The following PTPRJ variants were observed in gnomAD, a reference collection of about 807,000 sequenced individuals.
PTPRJ encodes the protein receptor-type tyrosine-protein phosphatase eta.
Under a neutral mutation model 141.3 loss-of-function variants are expected in PTPRJ, and 129 were observed. The observed-to-expected ratio is 0.91, with a 90% CI of 0.79 to 1.06. The LOEUF (loss-of-function observed/expected upper bound fraction) is 1.06. Among genes scored for constraint, PTPRJ ranks in the 50% least tolerant of loss-of-function variants. The pLI, the probability that PTPRJ is intolerant of heterozygous loss-of-function variation, is 0.00. For missense variants in PTPRJ, 1,601 were observed against 1,679.7 expected (o/e 0.95, Z 0.82); for synonymous variants, 610 against 640.5 (o/e 0.95, Z 0.72).
intron 1 of PTPRJ, among the ~76,000 whole-genome samples, chr11:48,022,503 G>A (rs376304566): frequency 3.9e-5 from 6 of 151,978 alleles, no homozygotes; most frequent in East Asian, 1.9e-4. Flanking sequence ...AAGATGCAGC[G>A]TGGGGCCATG....
At chr11:48,064,915 C>A (rs1855043664) in intron 1 of PTPRJ, among the ~76,000 whole-genome samples, 1 of 151,738 alleles carries the variant, frequency 6.6e-6, no homozygotes, top group Non-Finnish European at 1.5e-5. Flanking sequence ...GCCACTGCGC[C>A]CGGCTCTGAG....
intron 21 of PTPRJ, among the ~76,000 whole-genome samples, chr11:48,157,071 C>T (rs1440737541): frequency 2.0e-5 from 3 of 152,074 alleles, no homozygotes; most frequent in Non-Finnish European, 2.9e-5. Context: ...CTTTTGCAAC[C>T]TCCGACTCCC....
intron 1 of PTPRJ, among the ~76,000 whole-genome samples, chr11:48,021,267 G>A (rs1160120537): frequency 6.6e-6 from 1 of 151,996 alleles, no homozygotes; most frequent in African/African-American, 2.4e-5. Context: ...CCAGCTACTG[G>A]GGAGGCTGAG....
intron 1 of PTPRJ, among the ~76,000 whole-genome samples, chr11:48,009,346 A>G (rs1316553955): frequency 6.6e-6 from 1 of 152,270 alleles, no homozygotes; most frequent in Non-Finnish European, 1.5e-5. Flanking sequence ...CTGTAATCCT[A>G]GCACTTTGGG....
At chr11:48,061,592 AG>A (rs1419476280) in intron 1 of PTPRJ, among the ~76,000 whole-genome samples, 1 of 152,224 alleles carries the variant, frequency 6.6e-6, no homozygotes, top group Non-Finnish European at 1.5e-5. Context: ...TGACCTGTTC[AG>A]GCCACACACT....
chr11:48,167,601 CTT>C lies in PTPRJ; in HGVS notation c.*251_*252del, dbSNP rs879001248. On this transcript the variant is annotated 3_prime_UTR_variant, in exon 25 of 25. Transcript: ENST00000418331. ...CCTGATGACCAATGGGATGAGGTCA[CTT>C]TTTTTTTTTTTCCCCCTTGAGGATT... 3.2e-3 allele frequency: 944 copies of C among 294,066 alleles called. No homozygotes were observed. Among genetic ancestry groups the C allele is most frequent in the Middle Eastern group, 5.5e-3 (6 of 1,090 alleles). The allele number at this position is 294,066 out of a possible 1,614,324, so 18.2% of individuals were successfully genotyped here. A position where few individuals can be genotyped will look rare whatever the true frequency, so the allele number is the denominator to read the frequency against.
rs12287032 is a variant in PTPRJ at position 47,981,354 on chromosome 11, C to A, written c.96+346C>A. 6.5e-3 allele frequency among the ~76,000 whole-genome samples: 990 copies of A among 152,192 alleles called. 13 individuals are homozygous for A. The highest frequency in any genetic ancestry group is 0.022 in the African/African-American group (917 of 41,550). On this transcript the variant is annotated intron_variant, in intron 1 of 24. Transcript: ENST00000418331. ...ACGGGCCCGGCTTCCTAGCCGGAGG[C>A]GGCCGGAGGGGGCGTGTTTGCGGAG...
chr11:48,034,648 C>G (rs1408204469), intron 1 of PTPRJ, among the ~76,000 whole-genome samples: 1 of 152,092 alleles, frequency 6.6e-6, no homozygotes, highest in East Asian at 1.9e-4. Context: ...GAGGTAGGTA[C>G]TATTATTTTG....
intron 1 of PTPRJ, among the ~76,000 whole-genome samples, chr11:48,044,367 C>A (rs890271299): frequency 2.0e-5 from 3 of 152,190 alleles, no homozygotes; most frequent in African/African-American, 7.2e-5. Context: ...GCTCTGAGGT[C>A]AGGCCTGGCA....
chr11:48,144,550 A>G, intron 12 of PTPRJ, 125 bp from the exon 13 acceptor site: 1 of 750,312 alleles, frequency 1.3e-6, no homozygotes, highest in Non-Finnish European at 2.2e-6. Context: ...AACCTGGCAC[A>G]GAGAGATACT....
chr11:48,117,078 G>GTT (rs1476330934), intron 3 of PTPRJ, among the ~76,000 whole-genome samples: 2 of 152,164 alleles, frequency 1.3e-5, no homozygotes, highest in Non-Finnish European at 2.9e-5. Context: ...ATTGTTAATT[G>GTT]TTTTGTCACA....
intron 1 of PTPRJ, among the ~76,000 whole-genome samples, chr11:48,097,841 ATT>A (rs930737173): frequency 2.0e-5 from 3 of 151,642 alleles, no homozygotes; most frequent in South Asian, 4.2e-4. Context: ...CCCGGCCTGA[ATT>A]TTTTTTTGTT....
chr11:48,032,705 G>T (rs1389683230), intron 1 of PTPRJ, among the ~76,000 whole-genome samples: 2 of 152,206 alleles, frequency 1.3e-5, no homozygotes, highest in Non-Finnish European at 2.9e-5. Context: ...GTTGCAGTGA[G>T]CCAAGATCAT....
chr11:48,039,065 A>T (rs1043350941), intron 1 of PTPRJ, among the ~76,000 whole-genome samples: 17 of 150,192 alleles, frequency 1.1e-4, no homozygotes, highest in African/African-American at 4.2e-4. Context: ...CAGGAGAATC[A>T]CCTGAACCTG....
chr11:48,124,284 T>C (rs1040778584), intron 5 of PTPRJ, among the ~76,000 whole-genome samples: 1 of 152,206 alleles, frequency 6.6e-6, no homozygotes, highest in African/African-American at 2.4e-5. Context: ...GGACAGGCAC[T>C]TAATCTGCAT....
chr11:48,043,882 A>G (rs1222112922), intron 1 of PTPRJ, among the ~76,000 whole-genome samples: 1 of 152,238 alleles, frequency 6.6e-6, no homozygotes, highest in African/African-American at 2.4e-5. Context: ...GCCAGCAGCC[A>G]GCGACTCTCT....
At chr11:48,104,547 T>C (rs1856239295) in intron 1 of PTPRJ, among the ~76,000 whole-genome samples, 1 of 152,220 alleles carries the variant, frequency 6.6e-6, no homozygotes, top group African/African-American at 2.4e-5. Context: ...TTGTTACCCA[T>C]TGTGCTATTC....
chr11:48,168,589 G>A lies in PTPRJ; in HGVS notation c.*1227G>A, dbSNP rs1429035916. ...ATATATATATATATATATACACTAA[G>A]CTCTCAAAAACAGTCATTCCTATGA... is the stretch of plus-strand genomic sequence containing the variant. On this transcript the variant is annotated 3_prime_UTR_variant, in exon 25 of 25. Coordinates refer to ENST00000418331, the MANE Select transcript of PTPRJ (RefSeq NM_002843.4). 1 of 87,604 alleles carries A rather than the reference G, an allele frequency of 1.1e-5. No individual in the cohort carries two copies. Among genetic ancestry groups the A allele is most frequent in the Admixed American group, 1.4e-4 (1 of 7,096 alleles). 5.4% of individuals were successfully genotyped at this position (87,604 alleles called of 1,614,324 possible). A position where few individuals can be genotyped will look rare whatever the true frequency, so the allele number is the denominator to read the frequency against.
At chr11:48,134,642 C>T (rs1857046520) in intron 8 of PTPRJ, among the ~76,000 whole-genome samples, 1 of 152,032 alleles carries the variant, frequency 6.6e-6, no homozygotes, top group South Asian at 2.1e-4. Flanking sequence ...TTTTTGTCCC[C>T]TACCTGCCCA....
Sources: allele counts gnomAD v4.1 joint callset (sites outside exome capture counted in the v4.1 genomes callset), GRCh38; gene constraint gnomAD v4.1.1; transcripts MANE v1.5; gene names NCBI Gene and HGNC (gene_info 2026-07-23, HGNC 2026-07-21).